YAE1: variants seen among roughly 807,000 people sequenced by gnomAD.
YAE1 encodes protein YAE1 homolog.
In YAE1, 22 loss-of-function variants were observed where a neutral mutation model predicts 23.0. The ratio of observed to expected loss-of-function variants is 0.96; its 90% CI spans 0.68 to 1.37. The LOEUF is 1.37. Among genes scored for constraint, YAE1 ranks in the 40% most tolerant of loss-of-function variants. The probability of loss-of-function intolerance (pLI) is 0.00; values close to 1 mark genes in which losing one functional copy is unlikely to be tolerated. For synonymous variants in YAE1, 101 were observed against 97.0 expected (o/e 1.04, Z -0.24); for missense variants, 260 against 262.1 (o/e 0.99, Z 0.06).
chr7:39,569,886 T>A (rs1203514804), intron 1 of YAE1: 5 of 1,090,670 alleles, frequency 4.6e-6, no homozygotes, highest in African/African-American at 1.6e-5. Flanking sequence ...ATCTTTACAA[T>A]GATAAATAGT....
At position 39,578,589 on chromosome 7, in the gene YAE1, C is replaced by T. The variant is rs566886052; in HGVS notation, c.251+7962C>T. Among the ~76,000 whole-genome samples the T allele has an allele frequency of 4.6e-5, 7 of 152,206 alleles. No individual in the cohort carries two copies. The South Asian group carries it at 8.3e-4, about 18-fold the overall frequency. ...TTGGAAGAATGAACAACTCCAGACGCGCTGCCTTATGAGCTGCAACACTCA... is the reference window on the plus strand; with the variant it reads ...TTGGAAGAATGAACAACTCCAGACGTGCTGCCTTATGAGCTGCAACACTCA... On this transcript the variant is annotated intron_variant, in intron 2 of 2. Coordinates refer to the YAE1 transcript ENST00000432096.
intron 2 of YAE1, among the ~76,000 whole-genome samples, chr7:39,588,916 C>G (rs554097299): frequency 6.6e-6 from 1 of 151,830 alleles, no homozygotes; most frequent in Non-Finnish European, 1.5e-5. Flanking sequence ...CTCCGTCTTC[C>G]GGGTTCAACA....
chr7:39,591,612 T>G (rs1406996808), intron 2 of YAE1, among the ~76,000 whole-genome samples: 2 of 151,228 alleles, frequency 1.3e-5, no homozygotes, highest in Non-Finnish European at 2.9e-5. Flanking sequence ...ATGCATAGAC[T>G]CCCCCATTAT....
At chr7:39,595,887 A>C (rs1298514510) in intron 2 of YAE1, among the ~76,000 whole-genome samples, 1 of 152,230 alleles carries the variant, frequency 6.6e-6, no homozygotes, top group Non-Finnish European at 1.5e-5. Flanking sequence ...ATGAGAAGAA[A>C]TCATCTCTGC....
rs551034851 is a variant in YAE1 at position 39,587,852 on chromosome 7, T to G, written c.251+17225T>G. 5.3e-5 allele frequency among the ~76,000 whole-genome samples: 8 copies of G among 152,292 alleles called. No homozygotes were observed. The South Asian group carries it at 1.7e-3, about 32-fold the overall frequency. ...ACAATATATTCGTTATGAAAAGGGG[T>G]GCTGTGTCTAAAAACCCTGCTTTAA... is the stretch of plus-strand genomic sequence containing the variant. On this transcript the variant is annotated intron_variant, in intron 2 of 2. Coordinates refer to the YAE1 transcript ENST00000432096.
chr7:39,601,028 T>C (rs1791047459), intron 2 of YAE1, among the ~76,000 whole-genome samples: 1 of 152,240 alleles, frequency 6.6e-6, no homozygotes. Context: ...ATCATCTTCA[T>C]ATGCTGTGAT....
chr7:39,596,726 C>T (rs377227584), intron 2 of YAE1, among the ~76,000 whole-genome samples: 2 of 152,184 alleles, frequency 1.3e-5, no homozygotes. Context: ...CTCTCTTCCC[C>T]GTTAGACAAT....
intron 2 of YAE1, among the ~76,000 whole-genome samples, chr7:39,607,229 C>T (rs1352804618): frequency 6.6e-6 from 1 of 152,094 alleles, no homozygotes; most frequent in Non-Finnish European, 1.5e-5. Context: ...GTTGACCTCC[C>T]CAGTGTTGTC....
At chr7:39,606,913 T>A (rs1411717888) in intron 2 of YAE1, among the ~76,000 whole-genome samples, 4 of 152,248 alleles carry the variant, frequency 2.6e-5, no homozygotes, top group Non-Finnish European at 5.9e-5. Flanking sequence ...GTCATTATTT[T>A]GAGTCTTTCA....
At chr7:39,605,071 C>T (rs543017722) in intron 2 of YAE1, among the ~76,000 whole-genome samples, 2 of 152,252 alleles carry the variant, frequency 1.3e-5, no homozygotes, top group Non-Finnish European at 1.5e-5. Flanking sequence ...ATTAAAGCTG[C>T]CCCTGAGCTT....
chr7:39,597,910 G>C (rs941767505), intron 2 of YAE1, among the ~76,000 whole-genome samples: 2 of 152,172 alleles, frequency 1.3e-5, no homozygotes, highest in African/African-American at 4.8e-5. Context: ...GGTAGAAAGG[G>C]AAGTCCTCTA....
rs1212995201 is a variant in YAE1 at position 39,570,498 on chromosome 7, A to G, written c.130-8A>G. On this transcript the variant is annotated splice_region_variant and splice_polypyrimidine_tract_variant and intron_variant, in intron 1 of 2. Transcript: ENST00000223273. ...TTACAGCTGCACTTCTCCATTACTT[A>G]TTTTTAGGAAGGTTATAGAGATGGA... 6.2e-7 allele frequency: 1 copy of G among 1,607,392 alleles called. No homozygotes were observed. The highest frequency in any genetic ancestry group is 2.2e-5 in the East Asian group (1 of 44,826).
intron 2 of YAE1, among the ~76,000 whole-genome samples, chr7:39,608,156 T>G (rs1791157233): frequency 6.6e-6 from 1 of 152,238 alleles, no homozygotes. Flanking sequence ...AAGGTGCCAT[T>G]GTTATAAAGG....
intron 2 of YAE1, among the ~76,000 whole-genome samples, chr7:39,582,782 C>CT (rs34814927): frequency 0.13 from 20,286 of 152,156 alleles, 1,750 homozygotes; most frequent in African/African-American, 0.25. Flanking sequence ...TCACAGGTTG[C>CT]TTTGTCTCCA....
chr7:39,608,165 G>A (rs989270016), intron 2 of YAE1, among the ~76,000 whole-genome samples: 5 of 152,130 alleles, frequency 3.3e-5, no homozygotes, highest in African/African-American at 7.2e-5. Flanking sequence ...TTGTTATAAA[G>A]GTATAAAGGT....
chr7:39,568,026 A>C (rs760995219), intron 1 of YAE1, among the ~76,000 whole-genome samples: 77 of 152,130 alleles, frequency 5.1e-4, no homozygotes, highest in Non-Finnish European at 9.8e-4. Flanking sequence ...GGAAAATATG[A>C]AGTTTGTATC....
intron 2 of YAE1, among the ~76,000 whole-genome samples, chr7:39,592,255 C>T (rs1340586158): frequency 1.3e-5 from 2 of 151,492 alleles, no homozygotes; most frequent in Non-Finnish European, 2.9e-5. Flanking sequence ...AAGAAACCAC[C>T]AAACTATCTT....
In YAE1 at chr7:39,572,415, T is replaced by C. The variant is rs1254998254; in HGVS notation, c.390T>C (p.Val130=). ...HLKSITPPSH[V]VDLLDSIEDM... is the part of the protein sequence containing the mutation. ...AATCAATCACTCCACCGTCCCATGTTGTAGATTTATTGGACTCCATTGAGG... is the reference window on the plus strand; with the variant it reads ...AATCAATCACTCCACCGTCCCATGTCGTAGATTTATTGGACTCCATTGAGG... Residue 130 remains valine, a synonymous_variant, in exon 3 of 3, where the codon GTT becomes GTC. Transcript: ENST00000223273. 4 of 1,614,154 alleles carry C rather than the reference T, an allele frequency of 2.5e-6. No homozygotes were observed. The highest frequency in any genetic ancestry group is 3.4e-6 in the Non-Finnish European group (4 of 1,179,986).
chr7:39,580,057 A>G (rs1583672876), intron 2 of YAE1, among the ~76,000 whole-genome samples: 1 of 152,316 alleles, frequency 6.6e-6, no homozygotes, highest in East Asian at 1.9e-4. Context: ...AAAAAACAAA[A>G]AAAGCATAAT....
Sources: gnomAD v4.1 joint callset for allele counts (sites outside exome capture counted in the v4.1 genomes callset) on GRCh38, gnomAD v4.1.1 for gene constraint, MANE v1.5 for transcripts, NCBI Gene and HGNC (gene_info 2026-07-23, HGNC 2026-07-21) for gene names.